The following CDC73 variants were observed in gnomAD, a reference collection of about 807,000 sequenced individuals.
The protein encoded by CDC73 is parafibromin.
CDC73 carries 21 observed loss-of-function variants against 83.7 expected under a neutral mutation model. That is an observed-to-expected ratio of 0.25 (90% CI 0.18 to 0.36). The LOEUF (loss-of-function observed/expected upper bound fraction) is 0.36, where lower values mean the gene tolerates loss of function less well. Ranked by LOEUF, CDC73 falls within the 10% of genes least tolerant of loss-of-function variation. The probability of loss-of-function intolerance (pLI) is 1.00; values close to 1 mark genes in which losing one functional copy is unlikely to be tolerated. For synonymous variants in CDC73, 224 were observed against 212.9 expected, an observed-to-expected ratio of 1.05 and a Z score of -0.45; for missense variants, 342 against 653.3, an observed-to-expected ratio of 0.52 and a Z score of 5.19.
chr1:193,154,660 G>A (rs1676177530), intron 10 of CDC73, among the ~76,000 whole-genome samples: 1 of 152,202 alleles, frequency 6.6e-6, no homozygotes. Context: ...TGTGTTGCTT[G>A]TGATCTGATT....
At chr1:193,244,571 A>C (rs997847360) in intron 15 of CDC73, among the ~76,000 whole-genome samples, 5 of 152,222 alleles carry the variant, frequency 3.3e-5, no homozygotes, top group Non-Finnish European at 5.9e-5. Context: ...AACCAAACAA[A>C]CAAAGTAGCA....
At chr1:193,211,998 T>G in intron 11 of CDC73, 67 bp from the exon 12 acceptor site, 1 of 1,233,850 alleles carries the variant, frequency 8.1e-7, no homozygotes, top group Non-Finnish European at 1.2e-6. Context: ...TATCCCTTAT[T>G]TGTAAGTTTG....
Position 193,122,154 on chromosome 1 carries a change from G to C in CDC73, c.-47G>C. 1 of 1,594,338 alleles carries C rather than the reference G, an allele frequency of 6.3e-7. No homozygotes were observed. ...GACAAGAGAAGAAGGAGGCAGGCGC[G>C]GCGGCAGCGGCGGCGCCCCGAGCCG... On this transcript the variant is annotated 5_prime_UTR_variant, in exon 1 of 17. Coordinates refer to ENST00000367435, the MANE Select transcript of CDC73 (RefSeq NM_024529.5).
intron 10 of CDC73, among the ~76,000 whole-genome samples, chr1:193,195,096 C>A (rs911536424): frequency 6.6e-6 from 1 of 152,096 alleles, no homozygotes; most frequent in Non-Finnish European, 1.5e-5. Context: ...TCTGTGTCAG[C>A]CAGCTGAGAG....
chr1:193,140,733 A>G (rs769612990), intron 6 of CDC73, among the ~76,000 whole-genome samples: 17 of 152,210 alleles, frequency 1.1e-4, no homozygotes, highest in Non-Finnish European at 2.1e-4. Flanking sequence ...CAGGCAGGAC[A>G]GTACAAGATT....
chr1:193,236,117 T>G (rs1677753000), intron 14 of CDC73, 139 bp from the exon 15 acceptor site: 2 of 752,818 alleles, frequency 2.7e-6, no homozygotes, highest in Non-Finnish European at 4.9e-6. Flanking sequence ...CTGTATTTGC[T>G]TCATGGAAGG....
intron 10 of CDC73, among the ~76,000 whole-genome samples, chr1:193,174,081 G>A (rs752308709): frequency 9.9e-5 from 15 of 151,052 alleles, no homozygotes; most frequent in African/African-American, 3.6e-4. Flanking sequence ...CGTTTCTTCT[G>A]AATTCTATCC....
chr1:193,245,598 G>C (rs1677940101), intron 15 of CDC73, among the ~76,000 whole-genome samples: 1 of 152,050 alleles, frequency 6.6e-6, no homozygotes, highest in Non-Finnish European at 1.5e-5. Flanking sequence ...ATTAAACATG[G>C]GGGTGCAGAT....
intron 11 of CDC73, 113 bp downstream of exon 11, chr1:193,203,965 C>G: frequency 1.2e-6 from 1 of 833,834 alleles, no homozygotes; most frequent in Admixed American, 1.9e-5. Context: ...AAATACATTG[C>G]AAAGTCATGT....
intron 13 of CDC73, among the ~76,000 whole-genome samples, chr1:193,230,293 C>T (rs751868853): frequency 2.0e-4 from 30 of 151,280 alleles, no homozygotes; most frequent in Non-Finnish European, 3.8e-4. Context: ...GGATTACAAG[C>T]GCACGCCACC....
At chr1:193,122,427 G>A (rs1025074080) in intron 1 of CDC73, 96 bp downstream of exon 1, 22 of 1,514,790 alleles carry the variant, frequency 1.5e-5, no homozygotes, top group Non-Finnish European at 2.0e-5. Flanking sequence ...TTCCCCTGGG[G>A]ATGGGATAAA....
At chr1:193,180,706 T>C in intron 10 of CDC73, 1 of 1,614,118 alleles carries the variant, frequency 6.2e-7, no homozygotes, top group Non-Finnish European at 8.5e-7. Context: ...ATTGGGTGCA[T>C]ATCCTCGCAT....
chr1:193,173,981 A>G (rs1364370094), intron 10 of CDC73, among the ~76,000 whole-genome samples: 1 of 152,204 alleles, frequency 6.6e-6, no homozygotes, highest in Non-Finnish European at 1.5e-5. Flanking sequence ...ATTTATAATA[A>G]TAATACTGTG....
chr1:193,126,492 T>C (rs1425761052), intron 2 of CDC73, among the ~76,000 whole-genome samples: 1 of 152,186 alleles, frequency 6.6e-6, no homozygotes, highest in Non-Finnish European at 1.5e-5. Context: ...TTCAGAGTTA[T>C]TTGGATAGGA....
At chr1:193,164,578 G>A (rs1033429085) in intron 10 of CDC73, among the ~76,000 whole-genome samples, 1 of 152,046 alleles carries the variant, frequency 6.6e-6, no homozygotes, top group East Asian at 1.9e-4. Flanking sequence ...TGTGCAATGA[G>A]CATATAATAA....
At chr1:193,218,434 A>T (rs1677407783) in intron 13 of CDC73, among the ~76,000 whole-genome samples, 1 of 152,224 alleles carries the variant, frequency 6.6e-6, no homozygotes. Flanking sequence ...TCCATATGGA[A>T]CCAAAAAGGA....
intron 13 of CDC73, among the ~76,000 whole-genome samples, chr1:193,225,656 T>C (rs1677554607): frequency 6.6e-6 from 1 of 152,148 alleles, no homozygotes; most frequent in African/African-American, 2.4e-5. Flanking sequence ...CCCTGATCAT[T>C]AGTGATGTTG....
chr1:193,178,381 A>G (rs1004976866), intron 10 of CDC73, among the ~76,000 whole-genome samples: 1 of 152,126 alleles, frequency 6.6e-6, no homozygotes, highest in African/African-American at 2.4e-5. Flanking sequence ...TCTGTTTTTC[A>G]TGAGTCATTT....
chr1:193,225,253 T>C (rs1048286043), intron 13 of CDC73, among the ~76,000 whole-genome samples: 1 of 146,632 alleles, frequency 6.8e-6, no homozygotes, highest in African/African-American at 2.5e-5. Context: ...ATGATATATA[T>C]ATATATATAT....
Sources: allele counts gnomAD v4.1 joint callset (sites outside exome capture counted in the v4.1 genomes callset), GRCh38; gene constraint gnomAD v4.1.1; transcripts MANE v1.5; gene names NCBI Gene and HGNC (gene_info 2026-07-23, HGNC 2026-07-21).